ZNF263: variants seen among roughly 807,000 people sequenced by gnomAD.
ZNF263 encodes the protein zinc finger protein 263.
Under a neutral mutation model 63.1 loss-of-function variants are expected in ZNF263, and 49 were observed. That is an observed-to-expected ratio of 0.78 (90% CI 0.62 to 0.99). The LOEUF (loss-of-function observed/expected upper bound fraction) is 0.99. ZNF263 is among the 50% of genes least tolerant of loss of function. The pLI, the probability that ZNF263 is intolerant of heterozygous loss-of-function variation, is 0.00. For synonymous variants in ZNF263, 352 were observed against 324.2 expected (o/e 1.09, Z -0.92); for missense variants, 872 against 854.8 (o/e 1.02, Z -0.25).
At chr16:3,297,293 C>CA (rs528444112) in intron 1 of ZNF263, among the ~76,000 whole-genome samples, 6,629 of 53,620 alleles carry the variant, frequency 0.12, 899 homozygotes, top group African/African-American at 0.34. Flanking sequence ...GACTCCATCT[C>CA]AAAAAAAAAA....
At chr16:3,285,343 A>G in intron 2 of ZNF263, 104 bp downstream of exon 2, 1 of 1,307,964 alleles carries the variant, frequency 7.6e-7, no homozygotes, top group Non-Finnish European at 1.0e-6. Context: ...GAATTTCTGA[A>G]GATCAGGTTC....
chr16:3,285,361 T>C lies in ZNF263; in HGVS notation c.568+122T>C, dbSNP rs142182085. On this transcript the variant is annotated intron_variant, in intron 2 of 5. Transcript: ENST00000219069. ...TTTCTGAAGATCAGGTTCTCACCTG[T>C]GGAATGAAAGACCTGCAGTTGGTGG... 14 of 1,198,738 alleles carry C rather than the reference T, an allele frequency of 1.2e-5. No individual in the cohort carries two copies. The East Asian group carries it at 3.6e-4, about 31-fold the overall frequency. The allele number at this position is 1,198,738 out of a possible 1,614,324, so 74.3% of individuals were successfully genotyped here.
In ZNF263 at chr16:3,284,170, G is replaced by A. The variant is rs199893447; in HGVS notation, c.352G>A (p.Asp118Asn). Reference sequence around the variant, plus strand: ...CGAAGAAGCGGTGACCCTTGTGGAGGATATGCAGAGAGAGCTTGGGAGACT... The same window carrying A: ...CGAAGAAGCGGTGACCCTTGTGGAGAATATGCAGAGAGAGCTTGGGAGACT... Reference protein sequence around the residue: ...SGEEAVTLVEDMQRELGRLRQ... With the variant: ...SGEEAVTLVENMQRELGRLRQ... The change falls in exon 1 of 6, where the codon GAT (aspartate) becomes AAT (asparagine). Residue 118 changes from aspartate (D) to asparagine (N), a missense_variant. Coordinates refer to ENST00000219069, the MANE Select transcript of ZNF263 (RefSeq NM_005741.5). 26 of 1,570,366 alleles carry A rather than the reference G, an allele frequency of 1.7e-5. No individual in the cohort carries two copies. The South Asian group carries it at 2.7e-4, about 16-fold the overall frequency.
At position 3,285,082 on chromosome 16, in the gene ZNF263, A is replaced by T; in HGVS notation, c.411A>T (p.Thr137=). ...RQQVTNHGRG[T]EVLLEEPLPL... is the part of the protein sequence containing the mutation. ...AGGTCACAAACCATGGGCGGGGAACAGAAGTGCTTTTGGAGGAGCCTTTGC... is the reference window on the plus strand; with the variant it reads ...AGGTCACAAACCATGGGCGGGGAACTGAAGTGCTTTTGGAGGAGCCTTTGC... Residue 137 remains threonine, a synonymous_variant, in exon 2 of 6, where the codon ACA becomes ACT. Transcript: ENST00000219069. 1 of 1,614,220 alleles carries T rather than the reference A, an allele frequency of 6.2e-7. No homozygotes were observed. The highest frequency in any genetic ancestry group is 8.5e-7 in the Non-Finnish European group (1 of 1,180,048).
chr16:3,285,299 A>C, intron 2 of ZNF263, 60 bp downstream of exon 2: 1 of 1,516,060 alleles, frequency 6.6e-7, no homozygotes, highest in African/African-American at 1.4e-5. Context: ...TGCCCCCGAC[A>C]CTAGCTGGAT....
chr16:3,285,160 T>G lies in ZNF263; in HGVS notation c.489T>G (p.Thr163=). The G allele has an allele frequency of 2.5e-6, 4 of 1,614,112 alleles. No homozygotes were observed. Among genetic ancestry groups the G allele is most frequent in the Non-Finnish European group, 3.4e-6 (4 of 1,180,028 alleles). The change falls in exon 2 of 6, where the codon ACT becomes ACG. Residue 163 remains threonine (T), a synonymous_variant. Transcript: ENST00000219069. ...GCTTCAAGCTGGAGCCAATGGAGAC[T>G]GAGCGAAGCCCTGGCCCCAGGCTGC... ...SPSFKLEPME[T]ERSPGPRLQE...
chr16:3,288,489 C>G lies in ZNF263; in HGVS notation c.805C>G (p.Gln269Glu), dbSNP rs1596371699. The change falls in exon 5 of 6, where the codon CAG becomes GAG. Residue 269 changes from glutamine to glutamate, a missense_variant. Coordinates refer to ENST00000219069, the MANE Select transcript of ZNF263 (RefSeq NM_005741.5). Reference sequence around the variant, plus strand: ...TCCCAGTCAGGAGGTCCCAGGCACCCAGGTGGGACAAGGAGGAAAGCTATG... The same window carrying G: ...TCCCAGTCAGGAGGTCCCAGGCACCGAGGTGGGACAAGGAGGAAAGCTATG... Reference protein sequence around the residue: ...HIPSQEVPGTQVGQGGKLWDP... With the variant: ...HIPSQEVPGTEVGQGGKLWDP... 6.2e-7 allele frequency: 1 copy of G among 1,612,810 alleles called. No homozygotes were observed. The highest frequency in any genetic ancestry group is 1.3e-5 in the African/African-American group (1 of 74,980).
Position 3,285,757 on chromosome 16 carries a change from G to A in ZNF263, c.642+3G>A. 6.2e-7 allele frequency: 1 copy of A among 1,614,140 alleles called. No homozygotes were observed. The highest frequency in any genetic ancestry group is 8.5e-7 in the Non-Finnish European group (1 of 1,180,006). On this transcript the variant is annotated splice_donor_region_variant and intron_variant, in intron 3 of 5. Transcript: ENST00000219069. ...ACAAGGAGATGACTGGGCCCCAGGTGATGTGGAAGTTTCCATTGTCTCCCC... is the reference window on the plus strand; with the variant it reads ...ACAAGGAGATGACTGGGCCCCAGGTAATGTGGAAGTTTCCATTGTCTCCCC...
Position 3,285,254 on chromosome 16 carries a change from T to G in ZNF263, c.568+15T>G. On this transcript the variant is annotated intron_variant, in intron 2 of 5. Coordinates refer to ENST00000219069, the MANE Select transcript of ZNF263 (RefSeq NM_005741.5). Reference sequence around the variant, plus strand: ...AAAGGAGAGGGGTGAGGCACAGTTATCTGGGCAGGTGGGAGGGAGGAGGGG... The same window carrying G: ...AAAGGAGAGGGGTGAGGCACAGTTAGCTGGGCAGGTGGGAGGGAGGAGGGG... 1 of 1,603,630 alleles carries G rather than the reference T, an allele frequency of 6.2e-7. No homozygotes were observed. The highest frequency in any genetic ancestry group is 8.5e-7 in the Non-Finnish European group (1 of 1,173,834).
intron 3 of ZNF263, 125 bp from the exon 4 acceptor site, chr16:3,285,898 G>T: frequency 6.4e-7 from 1 of 1,558,732 alleles, no homozygotes; most frequent in South Asian, 1.1e-5. Context: ...TCACTTGGAG[G>T]CCTGATACCC....
At chr16:3,299,697 G>C (rs759446864) in intron 2 of ZNF263, 16 of 1,538,184 alleles carry the variant, frequency 1.0e-5, no homozygotes, top group Non-Finnish European at 1.2e-5. Flanking sequence ...CACTGGTTAG[G>C]GATTCAGAGG....
intron 2 of ZNF263, chr16:3,299,756 C>G: frequency 6.5e-7 from 1 of 1,547,174 alleles, no homozygotes; most frequent in South Asian, 1.3e-5. Context: ...CTGACGTCCT[C>G]GTCATGAAAT....
At chr16:3,298,171 G>C (rs220377) in intron 1 of ZNF263, among the ~76,000 whole-genome samples, 29,526 of 152,202 alleles carry the variant, frequency 0.19, 3,592 homozygotes, top group Admixed American at 0.28. Flanking sequence ...AAATAGTGCC[G>C]TATGATGGTT....
Position 3,285,101 on chromosome 16 carries a change from C to T in ZNF263, c.430C>T (p.Pro144Ser), listed in dbSNP as rs142722524. Reference sequence around the variant, plus strand: ...GGGAACAGAAGTGCTTTTGGAGGAGCCTTTGCCTCTGGAAACAGCACGAGA... The same window carrying T: ...GGGAACAGAAGTGCTTTTGGAGGAGTCTTTGCCTCTGGAAACAGCACGAGA... ...GRGTEVLLEE[P>S]LPLETARESP... is the part of the protein sequence containing the mutation. The change falls in exon 2 of 6, where the codon CCT (proline) becomes TCT (serine). Residue 144 changes from proline (P) to serine (S), a missense_variant. Pro to Ser is a moderately conservative substitution (Grantham distance 74). Coordinates refer to ENST00000219069, the MANE Select transcript of ZNF263 (RefSeq NM_005741.5). 11 of 1,614,110 alleles carry T rather than the reference C, an allele frequency of 6.8e-6. No individual in the cohort carries two copies. Among genetic ancestry groups the T allele is most frequent in the Admixed American group, 1.7e-5 (1 of 60,022 alleles).
At position 3,283,830 on chromosome 16, in the gene ZNF263, C is replaced by A; in HGVS notation, c.12C>A (p.Gly4=). 6.4e-7 allele frequency: 1 copy of A among 1,573,260 alleles called. No individual in the cohort carries two copies. The highest frequency in any genetic ancestry group is 8.6e-7 in the Non-Finnish European group (1 of 1,162,734). The change falls in exon 1 of 6, where the codon GGC becomes GGA. Residue 4 remains glycine (G), a synonymous_variant. Transcript: ENST00000219069. MAS[G]PGSQEREGLL... The stretch of plus-strand genomic sequence containing the variant: ...CTGGAGACCTGACGATGGCGTCGGG[C>A]CCGGGCTCCCAGGAACGGGAAGGGC...
At chr16:3,298,834 A>G in intron 1 of ZNF263, 1 of 406,594 alleles carries the variant, frequency 2.5e-6, no homozygotes, top group Non-Finnish European at 4.3e-6. Context: ...CAAATGTATT[A>G]TTTTCAAACT....
At chr16:3,297,027 G>A (rs1021816427) in intron 1 of ZNF263, among the ~76,000 whole-genome samples, 1 of 152,074 alleles carries the variant, frequency 6.6e-6, no homozygotes, top group African/African-American at 2.4e-5. Flanking sequence ...TTCACAGGCC[G>A]GGCGCAGTGG....
rs546279581 is a variant in ZNF263 at position 3,296,586 on chromosome 16, A to G, written c.152-2520A>G. ...CATCTTCCACCAGGCTGCAGACTGA[A>G]TAAGGCAAGAAAGCACAAATCAAGC... On this transcript the variant is annotated intron_variant, in intron 1 of 2. Transcript: ENST00000574674. Among the ~76,000 whole-genome samples, 5 of 152,384 alleles carry G rather than the reference A, an allele frequency of 3.3e-5. No individual in the cohort carries two copies. The East Asian group carries it at 5.8e-4, about 18-fold the overall frequency.
chr16:3,299,431 A>G, intron 2 of ZNF263: 1 of 1,565,286 alleles, frequency 6.4e-7, no homozygotes. Flanking sequence ...TGCATTTGCT[A>G]TGGTTATTTG....
Sources: gnomAD v4.1 joint callset for allele counts (sites outside exome capture counted in the v4.1 genomes callset) on GRCh38, gnomAD v4.1.1 for gene constraint, MANE v1.5 for transcripts, NCBI Gene and HGNC (gene_info 2026-07-23, HGNC 2026-07-21) for gene names.